The following PAN3 variants were observed in gnomAD, a reference collection of about 807,000 sequenced individuals.
PAN3 encodes poly(A) specific ribonuclease subunit PAN3, also known as PAN2-PAN3 deadenylation complex subunit PAN3.
A neutral mutation model predicts 96.2 loss-of-function variants in PAN3; 19 were observed. The observed-to-expected ratio is 0.20, with a 90% CI of 0.14 to 0.29. The LOEUF (loss-of-function observed/expected upper bound fraction) is 0.29, where lower values mean the gene tolerates loss of function less well. Ranked by LOEUF, PAN3 falls within the 10% of genes least tolerant of loss-of-function variation. The pLI, the probability that PAN3 is intolerant of heterozygous loss-of-function variation, is 1.00. For missense variants in PAN3, 882 were observed against 1,108.1 expected, an observed-to-expected ratio of 0.80 and a Z score of 2.90; for synonymous variants, 433 against 406.6, an observed-to-expected ratio of 1.06 and a Z score of -0.78.
At chr13:28,144,354 A>G (rs1426064689) in intron 1 of PAN3, among the ~76,000 whole-genome samples, 1 of 151,400 alleles carries the variant, frequency 6.6e-6, no homozygotes, top group African/African-American at 2.4e-5. Flanking sequence ...AGCTGGGACT[A>G]CAGGCGCCCG....
chr13:28,144,276 G>A (rs910603451), intron 1 of PAN3, among the ~76,000 whole-genome samples: 2 of 149,130 alleles, frequency 1.3e-5, no homozygotes, highest in South Asian at 2.1e-4. Flanking sequence ...GAGTGCAGTG[G>A]CGCAGTCTCG....
intron 5 of PAN3, among the ~76,000 whole-genome samples, chr13:28,206,315 CTTTTTTTT>C (rs71086837): frequency 0.14 from 13,496 of 95,040 alleles, 780 homozygotes; most frequent in Middle Eastern, 0.3. Context: ...GTCTAACTGA[CTTTTTTTT>C]TTTTTTTTTT....
At chr13:28,167,198 C>T (rs1873687555) in intron 1 of PAN3, among the ~76,000 whole-genome samples, 1 of 150,702 alleles carries the variant, frequency 6.6e-6, no homozygotes, top group Non-Finnish European at 1.5e-5. Flanking sequence ...CAATACCACA[C>T]CCCCGTTTTT....
intron 1 of PAN3, among the ~76,000 whole-genome samples, chr13:28,158,167 A>AGG (rs1566144537): frequency 6.6e-6 from 1 of 152,208 alleles, no homozygotes; most frequent in Non-Finnish European, 1.5e-5. Flanking sequence ...GAAACTGGAC[A>AGG]CCTTTGTTAC....
chr13:28,169,381 C>T (rs1369560121), intron 1 of PAN3, among the ~76,000 whole-genome samples: 1 of 151,458 alleles, frequency 6.6e-6, no homozygotes, highest in East Asian at 2.0e-4. Flanking sequence ...AGGTGCCCAC[C>T]ACCACGCCTG....
At chr13:28,280,704 G>A (rs1887403238) in intron 16 of PAN3, among the ~76,000 whole-genome samples, 163 bp downstream of exon 16, 1 of 151,850 alleles carries the variant, frequency 6.6e-6, no homozygotes, top group South Asian at 2.1e-4. Flanking sequence ...TGGGATTACA[G>A]GTGTACGCCA....
chr13:28,191,987 T>C (rs555966447), intron 4 of PAN3, among the ~76,000 whole-genome samples: 1 of 152,100 alleles, frequency 6.6e-6, no homozygotes, highest in African/African-American at 2.4e-5. Flanking sequence ...TGCTCTCATC[T>C]CTGCCTCCCA....
At chr13:28,190,384 A>G (rs933176436) in intron 4 of PAN3, among the ~76,000 whole-genome samples, 13 of 151,942 alleles carry the variant, frequency 8.6e-5, no homozygotes, top group African/African-American at 2.9e-4. Flanking sequence ...CTGGAATTAT[A>G]GGCACACCAC....
rs1886236909 is a variant in PAN3, at chr13:28,266,967, TAAA to T, written c.1573+94_1573+96del. On this transcript the variant is annotated intron_variant, in intron 10 of 18. Transcript: ENST00000380958. ...TGAATATATTATTTAATATATGAAT[TAAA>T]AATTTTTATTTGGAAATTAGTACCT... The T allele has an allele frequency of 2.4e-6, 3 of 1,276,482 alleles. No homozygotes were observed. The African/African-American group carries it at 4.5e-5, about 19-fold the overall frequency. 79.1% of individuals were successfully genotyped at this position (1,276,482 alleles called of 1,614,324 possible). A position where few individuals can be genotyped will look rare whatever the true frequency, so the allele number is the denominator to read the frequency against.
chr13:28,152,526 G>A (rs1300368959), intron 1 of PAN3, among the ~76,000 whole-genome samples: 1 of 152,112 alleles, frequency 6.6e-6, no homozygotes, highest in Non-Finnish European at 1.5e-5. Flanking sequence ...GGAGGTTGGA[G>A]TGAGCCGAGA....
intron 5 of PAN3, chr13:28,215,090 A>G: frequency 2.2e-6 from 2 of 895,172 alleles, no homozygotes; most frequent in South Asian, 1.4e-5. Flanking sequence ...CATTTGTGCC[A>G]TTTGCTGGTT....
At chr13:28,176,623 T>C (rs1875045484) in intron 3 of PAN3, 64 bp downstream of exon 3, 3 of 1,470,894 alleles carry the variant, frequency 2.0e-6, no homozygotes, top group South Asian at 1.2e-5. Context: ...AAAAGTAATA[T>C]ACAACCATTG....
intron 5 of PAN3, among the ~76,000 whole-genome samples, chr13:28,209,588 CTTAT>C (rs1288386813): frequency 6.6e-6 from 1 of 152,050 alleles, no homozygotes; most frequent in African/African-American, 2.4e-5. Context: ...AGATATTTTA[CTTAT>C]TTCTTTTTTT....
chr13:28,225,371 G>C lies in PAN3; in HGVS notation c.1000+4993G>C, dbSNP rs181226754. Among the ~76,000 whole-genome samples the C allele has an allele frequency of 8.3e-4, 127 of 152,256 alleles. 1 individual carries two copies. Among genetic ancestry groups the C allele is most frequent in the African/African-American group, 2.9e-3 (122 of 41,552 alleles). On this transcript the variant is annotated intron_variant, in intron 6 of 18. Coordinates refer to ENST00000380958, the MANE Select transcript of PAN3 (RefSeq NM_175854.8). ...GATCGTTTTCAGTTTAAAGTTCTGT[G>C]CCAAAAAACAAAATTCCGTGATTGA...
Position 28,288,140 on chromosome 13 carries a change from T to A in PAN3, c.2523+18T>A. 6.3e-7 allele frequency: 1 copy of A among 1,582,120 alleles called. No homozygotes were observed. The highest frequency in any genetic ancestry group is 8.6e-7 in the Non-Finnish European group (1 of 1,164,740). On this transcript the variant is annotated intron_variant, in intron 18 of 18. Transcript: ENST00000380958. The stretch of plus-strand genomic sequence containing the variant: ...TTAACAAGGTAATTTGTATCTAGAT[T>A]TTTTAAGATCATAATTCTGCCTATA...
intron 5 of PAN3, among the ~76,000 whole-genome samples, chr13:28,201,231 A>T (rs1253866281): frequency 1.3e-5 from 2 of 148,922 alleles, no homozygotes; most frequent in Non-Finnish European, 1.5e-5. Flanking sequence ...TTTTGTAAAG[A>T]TGGGGTCTTG....
At chr13:28,151,111 C>G (rs902394809) in intron 1 of PAN3, among the ~76,000 whole-genome samples, 4 of 152,104 alleles carry the variant, frequency 2.6e-5, no homozygotes, top group African/African-American at 9.7e-5. Context: ...AAGAGTATCT[C>G]AGGCAGAGGG....
At chr13:28,207,622 C>T (rs1485967796) in intron 5 of PAN3, among the ~76,000 whole-genome samples, 2 of 151,132 alleles carry the variant, frequency 1.3e-5, no homozygotes, top group African/African-American at 4.8e-5. Flanking sequence ...ATTTAGCAAA[C>T]TTGTCTTTTA....
chr13:28,153,393 G>A (rs1266620118), intron 1 of PAN3, among the ~76,000 whole-genome samples: 1 of 151,832 alleles, frequency 6.6e-6, no homozygotes, highest in Non-Finnish European at 1.5e-5. Context: ...CCACCACCAT[G>A]CCTGGCTAAT....
Sources: allele counts gnomAD v4.1 joint callset (sites outside exome capture counted in the v4.1 genomes callset), GRCh38; gene constraint gnomAD v4.1.1; transcripts MANE v1.5; gene names NCBI Gene and HGNC (gene_info 2026-07-23, HGNC 2026-07-21).